MMP21: variants seen among roughly 807,000 people sequenced by gnomAD.
MMP21 encodes the protein matrix metallopeptidase 21.
Under a neutral mutation model 47.8 loss-of-function variants are expected in MMP21, and 40 were observed. That is an observed-to-expected ratio of 0.84 (90% confidence interval 0.65 to 1.09). The LOEUF is 1.09. Among genes scored for constraint, MMP21 ranks in the 50% least tolerant of loss-of-function variants. MMP21 has a pLI of 0.00. For synonymous variants in MMP21, 341 were observed against 318.0 expected (o/e 1.07, Z -0.77); for missense variants, 747 against 775.3 (o/e 0.96, Z 0.43).
chr10:125,772,481 T>C lies in MMP21; in HGVS notation c.838-122A>G. The stretch of plus-strand genomic sequence containing the variant: ...GTGAAGAGGGGAGCACCGGTGGAAC[T>C]GGGGAGCCATTCCACGGATTCACCT... On this transcript the variant is annotated intron_variant, in intron 3 of 6. Coordinates refer to ENST00000368808, the MANE Select transcript of MMP21 (RefSeq NM_147191.1). This position sits in a 1 kb window ranked among gnomAD's most constrained non-coding sequence, Gnocchi z 5.6. 2 of 1,559,444 alleles carry C rather than the reference T, an allele frequency of 1.3e-6. No homozygotes were observed. Among genetic ancestry groups the C allele is most frequent in the Non-Finnish European group, 1.8e-6 (2 of 1,139,104 alleles).
chr10:125,767,845 T>G (rs1850403178), intron 5 of MMP21, 141 bp from the exon 6 acceptor site: 7 of 764,136 alleles, frequency 9.2e-6, no homozygotes, highest in Non-Finnish European at 1.5e-5. Context: ...TTTCGGCATC[T>G]GAGTGAAGCC....
rs1331834446 is a variant in MMP21 at position 125,770,711 on chromosome 10, A to C, written c.980-120T>G. On this transcript the variant is annotated intron_variant, in intron 4 of 6. Transcript: ENST00000368808. ...GGGGCTTTCTATAAAAACACCTTAA[A>C]GCAAGACACCATGTAAGGCTGAAGT... The C allele has an allele frequency of 4.4e-6, 5 of 1,124,500 alleles. No individual in the cohort carries two copies. The African/African-American group carries it at 6.3e-5, about 14-fold the overall frequency. The allele number at this position is 1,124,500 out of a possible 1,614,324, so 69.7% of individuals were successfully genotyped here.
At chr10:125,771,511 C>A (rs967918339) in intron 4 of MMP21, among the ~76,000 whole-genome samples, 2 of 151,762 alleles carry the variant, frequency 1.3e-5, no homozygotes, top group Non-Finnish European at 2.9e-5. Flanking sequence ...TCAAGCAATT[C>A]TCCTGCCTCA....
At position 125,774,292 on chromosome 10, in the gene MMP21, G is replaced by C; in HGVS notation, c.236C>G (p.Thr79Ser). 3 of 1,418,530 alleles carry C rather than the reference G, an allele frequency of 2.1e-6. No homozygotes were observed. The South Asian group carries it at 4.4e-5, about 21-fold the overall frequency. 87.9% of individuals were successfully genotyped at this position (1,418,530 alleles called of 1,614,324 possible). The part of the protein sequence containing the change: ...WGPSPEGPPE[T>S]PKGAALAEAV... ...CTCGGCCAGGGCGGCGCCCTTGGGG[G>C]TCTCCGGCGGCCCCTCGGGACTGGG... The change falls in exon 2 of 7, where the codon ACC becomes AGC. Residue 79 changes from threonine (T) to serine (S), a missense_variant. Transcript: ENST00000368808.
Position 125,774,321 on chromosome 10 carries a change from C to T in MMP21, c.207G>A (p.Trp69Ter), listed in dbSNP as rs1317183849. 4 of 1,412,370 alleles carry T rather than the reference C, an allele frequency of 2.8e-6. No individual in the cohort carries two copies. The highest frequency in any genetic ancestry group is 1.5e-5 in the African/African-American group (1 of 66,062). The allele number at this position is 1,412,370 out of a possible 1,614,324, so 87.5% of individuals were successfully genotyped here. A position where few individuals can be genotyped will look rare whatever the true frequency, so the allele number is the denominator to read the frequency against. Residue 69 changes from tryptophan to a stop codon, truncating the protein, a stop_gained, in exon 2 of 7, where the codon TGG becomes TGA. Coordinates refer to ENST00000368808, the MANE Select transcript of MMP21 (RefSeq NM_147191.1). LOFTEE classifies it high-confidence loss of function. The stretch of plus-strand genomic sequence containing the variant: ...CCGGCGGCCCCTCGGGACTGGGCCC[C>T]CAGGCCGCCCACACCCCTGACCAGC... ...RYGWSGVWAAWGPSPEGPPET... is the reference protein window; with the variant it reads ...RYGWSGVWAA
At position 125,767,704 on chromosome 10, in the gene MMP21, C is replaced by A; in HGVS notation, c.1238G>T (p.Gly413Val). The A allele has an allele frequency of 6.2e-7, 1 of 1,613,672 alleles. No homozygotes were observed. Among genetic ancestry groups the A allele is most frequent in the Non-Finnish European group, 8.5e-7 (1 of 1,179,816 alleles). The change falls in exon 6 of 7, where the codon GGA (glycine) becomes GTA (valine). Residue 413 changes from glycine to valine, a missense_variant and splice_region_variant. Physicochemically the swap from Gly to Val is moderately radical, Grantham distance 109. Transcript: ENST00000368808. ...WKRDERYFFQ[G>V]NQYWRYDSDK... Reference sequence around the variant, plus strand: ...ACTGTCATATCTCCAGTATTGATTTCCTGAGAGCCAAACAAAATACGTTCA... The same window carrying A: ...ACTGTCATATCTCCAGTATTGATTTACTGAGAGCCAAACAAAATACGTTCA...
chr10:125,770,655 A>G (rs1329563419), intron 4 of MMP21, 64 bp from the exon 5 acceptor site: 1 of 1,560,958 alleles, frequency 6.4e-7, no homozygotes, highest in Non-Finnish European at 8.7e-7. Flanking sequence ...ATATTTTCAT[A>G]TGTGACTTGA....
At position 125,772,882 on chromosome 10, in the gene MMP21, C is replaced by A; in HGVS notation, c.698-132G>T. 1 of 953,090 alleles carries A rather than the reference C, an allele frequency of 1.0e-6. No individual in the cohort carries two copies. Among genetic ancestry groups the A allele is most frequent in the Non-Finnish European group, 1.6e-6 (1 of 640,954 alleles). The allele number at this position is 953,090 out of a possible 1,614,324, so 59.0% of individuals were successfully genotyped here. A position where few individuals can be genotyped will look rare whatever the true frequency, so the allele number is the denominator to read the frequency against. On this transcript the variant is annotated intron_variant, in intron 2 of 6. Coordinates refer to ENST00000368808, the MANE Select transcript of MMP21 (RefSeq NM_147191.1). The surrounding 1 kb of genome is among the most constrained non-coding windows in gnomAD (Gnocchi z 5.6). ...CAGAGTGGCAGCTCCTGGATTAAGT[C>A]CTCAATGTGCGGAGGGTGGGAGACG...
Position 125,770,678 on chromosome 10 carries a change from G to A in MMP21, c.980-87C>T. 2.1e-6 allele frequency: 3 copies of A among 1,449,330 alleles called. No individual in the cohort carries two copies. The South Asian group carries it at 4.0e-5, about 19-fold the overall frequency. 89.8% of individuals were successfully genotyped at this position (1,449,330 alleles called of 1,614,324 possible). A position where few individuals can be genotyped will look rare whatever the true frequency, so the allele number is the denominator to read the frequency against. On this transcript the variant is annotated intron_variant, in intron 4 of 6. Transcript: ENST00000368808. The stretch of plus-strand genomic sequence containing the variant: ...ATATGTGACTTGAATGAAGACAGTT[G>A]CAAAGCTGGGGCTTTCTATAAAAAC...
At chr10:125,768,458 G>T (rs765257012) in intron 5 of MMP21, among the ~76,000 whole-genome samples, 1 of 152,206 alleles carries the variant, frequency 6.6e-6, no homozygotes. Context: ...GCTGCTTCTT[G>T]TTAGTTCCTA....
intron 1 of MMP21, 152 bp from the exon 2 acceptor site, chr10:125,774,517 G>T: frequency 2.1e-6 from 1 of 473,574 alleles, no homozygotes; most frequent in Non-Finnish European, 3.5e-6. Context: ...GATGGAGATA[G>T]CAATAGAAAC....
At chr10:125,768,977 G>T (rs557645474) in intron 5 of MMP21, among the ~76,000 whole-genome samples, 1 of 152,272 alleles carries the variant, frequency 6.6e-6, no homozygotes, top group South Asian at 2.1e-4. Flanking sequence ...TGCATATAAA[G>T]TTCATTCAGT....
intron 4 of MMP21, among the ~76,000 whole-genome samples, chr10:125,770,936 G>A (rs750230980): frequency 1.3e-5 from 2 of 152,084 alleles, no homozygotes; most frequent in Non-Finnish European, 2.9e-5. Flanking sequence ...AAGCTGAGGT[G>A]GGAGGATTGC....
rs954293401 is a variant in MMP21, at chr10:125,766,974, T to C, written c.1411-13A>G. 1 of 1,544,968 alleles carries C rather than the reference T, an allele frequency of 6.5e-7. No homozygotes were observed. Among genetic ancestry groups the C allele is most frequent in the Non-Finnish European group, 8.7e-7 (1 of 1,151,474 alleles). ...CAAATGCAAATACCTGCAAAGCAAA[T>C]AAGATAGACTGGCTCTTCTGAAAAT... On this transcript the variant is annotated splice_polypyrimidine_tract_variant and intron_variant, in intron 6 of 6. Coordinates refer to ENST00000368808, the MANE Select transcript of MMP21 (RefSeq NM_147191.1).
chr10:125,768,330 ACT>A (rs1395608703), intron 5 of MMP21, among the ~76,000 whole-genome samples: 1 of 152,130 alleles, frequency 6.6e-6, no homozygotes, highest in Non-Finnish European at 1.5e-5. Context: ...GCAAGCCAGG[ACT>A]CTCAAATGCC....
chr10:125,773,886 G>C lies in MMP21; in HGVS notation c.642C>G (p.Arg214=), dbSNP rs762226483. 1.3e-6 allele frequency: 2 copies of C among 1,578,622 alleles called. No homozygotes were observed. The highest frequency in any genetic ancestry group is 2.2e-5 in the South Asian group (2 of 89,076). Reference sequence around the variant, plus strand: ...CGGCCCCGGGGGCGGCCAGGTCCTCGCGGAAGTCCAGCGGCGTCACCTCGC... The same window carrying C: ...CGGCCCCGGGGGCGGCCAGGTCCTCCCGGAAGTCCAGCGGCGTCACCTCGC... ...MWSEVTPLDF[R]EDLAAPGAAV... The change falls in exon 2 of 7, where the codon CGC becomes CGG. Residue 214 remains arginine (R), a synonymous_variant. Transcript: ENST00000368808. This position sits in a 1 kb window ranked among gnomAD's most constrained non-coding sequence, Gnocchi z 4.8.
At chr10:125,775,522 C>T (rs1043926532) in intron 1 of MMP21, 138 bp downstream of exon 1, 7 of 1,143,052 alleles carry the variant, frequency 6.1e-6, no homozygotes, top group Middle Eastern at 2.9e-4. Flanking sequence ...CCACTCCTCC[C>T]TCTCAGCCCA....
chr10:125,774,184 G>T lies in MMP21; in HGVS notation c.344C>A (p.Pro115Gln), dbSNP rs28381284. 10 of 1,277,694 alleles carry T rather than the reference G, an allele frequency of 7.8e-6. No homozygotes were observed. In the East Asian group the frequency reaches 3.3e-4, roughly 43 times the overall value. The allele number at this position is 1,277,694 out of a possible 1,614,324, so 79.1% of individuals were successfully genotyped here. ...DAATLAAMNR[P>Q]RCGVPDMRPP... ...GCGCATGTCCGGGACCCCGCAGCGC[G>T]GCCGGTTCATGGCCGCTAGGGTGGC... Residue 115 changes from proline (P) to glutamine (Q), a missense_variant, in exon 2 of 7, where the codon CCG (proline) becomes CAG (glutamine). Physicochemically the swap from Pro to Gln is moderately conservative, Grantham distance 76. Coordinates refer to ENST00000368808, the MANE Select transcript of MMP21 (RefSeq NM_147191.1).
chr10:125,766,895 A>T lies in MMP21; in HGVS notation c.1477T>A (p.Phe493Ile). 2.5e-6 allele frequency: 4 copies of T among 1,612,906 alleles called. No homozygotes were observed. The highest frequency in any genetic ancestry group is 3.4e-6 in the Non-Finnish European group (4 of 1,179,670). ...NSYPKRITEV[F>I]PAVIPQNHPF... Reference sequence around the variant, plus strand: ...TGATTTTGTGGTATTACTGCTGGAAAAACTTCAGTAATCCTCTTTGGATAA... The same window carrying T: ...TGATTTTGTGGTATTACTGCTGGAATAACTTCAGTAATCCTCTTTGGATAA... Residue 493 changes from phenylalanine (F) to isoleucine (I), a missense_variant, in exon 7 of 7, where the codon TTT (phenylalanine) becomes ATT (isoleucine). Physicochemically the swap from Phe to Ile is conservative, Grantham distance 21. Coordinates refer to ENST00000368808, the MANE Select transcript of MMP21 (RefSeq NM_147191.1).
Sources: allele counts gnomAD v4.1 joint callset (sites outside exome capture counted in the v4.1 genomes callset), GRCh38; gene constraint gnomAD v4.1.1; non-coding constraint Gnocchi (gnomAD v3.1); transcripts MANE v1.5; gene names NCBI Gene and HGNC (gene_info 2026-07-23, HGNC 2026-07-21).